WDR27: variants seen among roughly 807,000 people sequenced by gnomAD.
WDR27 encodes WD repeat-containing protein 27.
Under a neutral mutation model 114.4 loss-of-function variants are expected in WDR27, and 100 were observed. That is an observed-to-expected ratio of 0.87 (90% CI 0.74 to 1.03). The LOEUF (loss-of-function observed/expected upper bound fraction) is 1.03. WDR27 is among the 50% of genes least tolerant of loss of function. The pLI is 0.00. For missense variants in WDR27, 1,129 were observed against 1,092.9 expected, an observed-to-expected ratio of 1.03 and a Z score of -0.47; for synonymous variants, 449 against 423.1, an observed-to-expected ratio of 1.06 and a Z score of -0.75.
At chr6:169,451,108 T>A in the WDR27 span, among the ~76,000 whole-genome samples, 3 of 152,176 alleles carry the variant, frequency 2.0e-5, no homozygotes, top group African/African-American at 7.2e-5. Flanking sequence ...CAATCATCCC[T>A]CCGCTCACAT....
At chr6:169,617,734 T>C (rs1172821087) in intron 21 of WDR27, among the ~76,000 whole-genome samples, 1 of 152,160 alleles carries the variant, frequency 6.6e-6, no homozygotes, top group Non-Finnish European at 1.5e-5. Context: ...CCATCTTGCC[T>C]GCTCCTTACT....
At chr6:169,477,472 T>C (rs1787340591) in intron 25 of WDR27, among the ~76,000 whole-genome samples, 2 of 152,194 alleles carry the variant, frequency 1.3e-5, no homozygotes, top group African/African-American at 4.8e-5. Flanking sequence ...AGAGTCTGGC[T>C]CTGTTGACCA....
intron 24 of WDR27, among the ~76,000 whole-genome samples, chr6:169,575,427 C>CCATCCAT (rs1562611896): frequency 0.023 from 1,502 of 65,998 alleles, 106 homozygotes; most frequent in Non-Finnish European, 0.038. Context: ...CATCCATCCA[C>CCATCCAT]CCACCATCAC....
intron 21 of WDR27, among the ~76,000 whole-genome samples, chr6:169,622,095 A>G (rs1055972995): frequency 1.3e-5 from 2 of 152,162 alleles, no homozygotes; most frequent in African/African-American, 2.4e-5. Flanking sequence ...CAGAAACTCA[A>G]AAGAATGCAA....
chr6:169,512,499 A>G (rs1327646529), intron 25 of WDR27, among the ~76,000 whole-genome samples: 2 of 152,234 alleles, frequency 1.3e-5, no homozygotes, highest in African/African-American at 4.8e-5. Context: ...TTTAATTTGT[A>G]ATGTTAATTC....
At chr6:169,568,965 T>C (rs942104951) in intron 25 of WDR27, among the ~76,000 whole-genome samples, 1 of 152,176 alleles carries the variant, frequency 6.6e-6, no homozygotes, top group African/African-American at 2.4e-5. Flanking sequence ...GGAAGCCGCA[T>C]GCCCCTGGTT....
chr6:169,531,239 G>C (rs1346272619), intron 25 of WDR27, among the ~76,000 whole-genome samples: 1 of 152,208 alleles, frequency 6.6e-6, no homozygotes, highest in African/African-American at 2.4e-5. Flanking sequence ...GAGTTAGGAA[G>C]CAAGGAAGTT....
intron 22 of WDR27, among the ~76,000 whole-genome samples, chr6:169,603,660 G>T (rs1002018506): frequency 6.6e-6 from 1 of 152,200 alleles, no homozygotes; most frequent in African/African-American, 2.4e-5. Context: ...TCAGTGAAGA[G>T]GCCATAGAGA....
At chr6:169,541,343 C>G (rs1294527683) in intron 25 of WDR27, among the ~76,000 whole-genome samples, 2 of 152,104 alleles carry the variant, frequency 1.3e-5, no homozygotes, top group Admixed American at 1.3e-4. Context: ...ATATCCTGAC[C>G]CACAACGATC....
In WDR27 at chr6:169,684,333, C is replaced by A. The variant is rs567153656; in HGVS notation, c.189+4484G>T. ...ACCTGTGCTCAGGACCTGGGAAACA[C>A]CCCTATGGCACCCCTGCCCCAAGAA... On this transcript the variant is annotated intron_variant, in intron 2 of 25. Transcript: ENST00000448612. The surrounding 1 kb of genome is among the most constrained non-coding windows in gnomAD (Gnocchi z 4.3). 1.3e-5 allele frequency among the ~76,000 whole-genome samples: 2 copies of A among 152,254 alleles called. No individual in the cohort carries two copies. The highest frequency in any genetic ancestry group is 2.4e-5 in the African/African-American group (1 of 41,536).
At chr6:169,519,260 A>G (rs762825538) in intron 25 of WDR27, among the ~76,000 whole-genome samples, 10 of 152,160 alleles carry the variant, frequency 6.6e-5, no homozygotes, top group African/African-American at 2.2e-4. Context: ...ACATTTTCAG[A>G]TATCTTCACA....
intron 25 of WDR27, among the ~76,000 whole-genome samples, chr6:169,535,655 G>A (rs1261492092): frequency 2.0e-5 from 3 of 152,132 alleles, no homozygotes; most frequent in South Asian, 2.1e-4. Context: ...CGACCATGTC[G>A]TTTAACTTAA....
At chr6:169,429,191 G>A in the WDR27 span, among the ~76,000 whole-genome samples, 8 of 152,156 alleles carry the variant, frequency 5.3e-5, no homozygotes, top group Non-Finnish European at 1.2e-4. Context: ...GGGCGGCTTT[G>A]GCTTTGTCCT....
At chr6:169,483,360 A>G (rs975621673) in intron 25 of WDR27, among the ~76,000 whole-genome samples, 2 of 152,260 alleles carry the variant, frequency 1.3e-5, no homozygotes, top group African/African-American at 4.8e-5. Flanking sequence ...CACCACAGAC[A>G]TACAACCATC....
chr6:169,464,320 T>TA (rs1365196794), intron 25 of WDR27, among the ~76,000 whole-genome samples: 1 of 152,016 alleles, frequency 6.6e-6, no homozygotes, highest in African/African-American at 2.4e-5. Flanking sequence ...CTTGGAAAAA[T>TA]AGACATCCAC....
At chr6:169,546,500 C>T (rs1797471236) in intron 25 of WDR27, among the ~76,000 whole-genome samples, 1 of 152,154 alleles carries the variant, frequency 6.6e-6, no homozygotes, top group Non-Finnish European at 1.5e-5. Flanking sequence ...GAGGATAGGG[C>T]AGATGTGTAT....
At chr6:169,696,332 G>C (rs141935154) in intron 1 of WDR27, among the ~76,000 whole-genome samples, 3 of 152,148 alleles carry the variant, frequency 2.0e-5, no homozygotes, top group African/African-American at 4.8e-5. Context: ...TGAAGCTTAC[G>C]AGGAAGAAGT....
At chr6:169,670,491 C>G (rs750424092) in intron 4 of WDR27, 78 bp downstream of exon 4, 27 of 1,553,688 alleles carry the variant, frequency 1.7e-5, no homozygotes, top group Non-Finnish European at 2.4e-5. Flanking sequence ...AAGAAAAGAC[C>G]GCTGGGCAAG....
At chr6:169,662,668 C>T (rs1486994230) in intron 8 of WDR27, among the ~76,000 whole-genome samples, 12 of 142,620 alleles carry the variant, frequency 8.4e-5, no homozygotes, top group African/African-American at 2.9e-4. Flanking sequence ...CACCGCGGAG[C>T]ATTCGGATCA....
Sources: gnomAD v4.1 joint callset for allele counts (sites outside exome capture counted in the v4.1 genomes callset) on GRCh38, gnomAD v4.1.1 for gene constraint, Gnocchi (gnomAD v3.1) non-coding constraint, MANE v1.5 for transcripts, NCBI Gene and HGNC (gene_info 2026-07-23, HGNC 2026-07-21) for gene names.